The following ENTPD5 variants were observed in gnomAD, a reference collection of about 807,000 sequenced individuals.
ENTPD5 encodes ectonucleoside triphosphate diphosphohydrolase 5 (inactive), also known as nucleoside diphosphate phosphatase ENTPD5.
ENTPD5 carries 49 observed loss-of-function variants against 60.2 expected under a neutral mutation model. The ratio of observed to expected loss-of-function variants is 0.81; its 90% CI spans 0.65 to 1.03. The LOEUF is 1.03. Ranked by LOEUF, ENTPD5 falls within the 50% of genes least tolerant of loss-of-function variation. ENTPD5 has a pLI of 0.00. For missense variants in ENTPD5, 480 were observed against 507.6 expected, an observed-to-expected ratio of 0.95 and a Z score of 0.52; for synonymous variants, 187 against 185.4, an observed-to-expected ratio of 1.01 and a Z score of -0.07.
intron 3 of ENTPD5, among the ~76,000 whole-genome samples, chr14:74,001,438 CTTGCAGTGAGCCGAGA>C (rs2058502906): frequency 6.6e-6 from 1 of 151,016 alleles, no homozygotes; most frequent in Non-Finnish European, 1.5e-5. Flanking sequence ...GGAGGCCGAG[CTTGCAGTGAGCCGAGA>C]TTGCACCACT....
chr14:73,974,459 G>GA (rs2057354255), intron 11 of ENTPD5, among the ~76,000 whole-genome samples: 8 of 152,158 alleles, frequency 5.3e-5, no homozygotes, highest in Admixed American at 5.2e-4. Context: ...TTAATGTGAG[G>GA]AAAGGGGCAC....
At chr14:73,957,738 G>A (rs1047883263), downstream of ENTPD5, among the ~76,000 whole-genome samples, 7 of 152,124 alleles carry the variant, frequency 4.6e-5, no homozygotes, top group South Asian at 2.1e-4. Flanking sequence ...GCCATAGAGC[G>A]TATTGTTTTT....
At chr14:73,999,053 T>A (rs8015927) in intron 3 of ENTPD5, among the ~76,000 whole-genome samples, 11,979 of 152,170 alleles carry the variant, frequency 0.079, 629 homozygotes, top group South Asian at 0.26. Flanking sequence ...TTAATTCTAC[T>A]AATGCTTACT....
rs777993195 is a variant in ENTPD5 at position 73,966,921 on chromosome 14, C to G, written c.*7G>C. 6.2e-7 allele frequency: 1 copy of G among 1,611,870 alleles called. No homozygotes were observed. Among genetic ancestry groups the G allele is most frequent in the Non-Finnish European group, 8.5e-7 (1 of 1,177,962 alleles). ...GCAAATGCAGGTCTCCAAGGAAGTA[C>G]GTGGCCTCAATGGGAGATGCCCAGA... is the stretch of plus-strand genomic sequence containing the variant. On this transcript the variant is annotated 3_prime_UTR_variant, in exon 16 of 16. Transcript: ENST00000334696.
intron 1 of ENTPD5, among the ~76,000 whole-genome samples, chr14:74,017,638 C>T (rs1461748539): frequency 6.7e-6 from 1 of 149,566 alleles, no homozygotes; most frequent in African/African-American, 2.5e-5. Context: ...TAAATCTCAA[C>T]ACTTTGGGAG....
intron 6 of ENTPD5, among the ~76,000 whole-genome samples, chr14:73,982,311 GCAATCCACCTGCCTCAGCCTC>G (rs2140572444): frequency 6.6e-6 from 1 of 152,202 alleles, no homozygotes; most frequent in East Asian, 1.9e-4. Flanking sequence ...CTGACCTCAG[GCAATCCACCTGCCTCAGCCTC>G]CCAAAGTGCT....
intron 3 of ENTPD5, among the ~76,000 whole-genome samples, chr14:74,004,227 G>A (rs2058600834): frequency 6.6e-6 from 1 of 151,988 alleles, no homozygotes; most frequent in Non-Finnish European, 1.5e-5. Flanking sequence ...CAGTGCAGTG[G>A]CGTGATCTTG....
Position 73,973,017 on chromosome 14 carries a change from C to T in ENTPD5, c.894G>A (p.Val298=), listed in dbSNP as rs1400651870. 6.2e-7 allele frequency: 1 copy of T among 1,614,128 alleles called. No homozygotes were observed. The highest frequency in any genetic ancestry group is 1.1e-5 in the South Asian group (1 of 91,068). Reference sequence around the variant, plus strand: ...CTTCGGCATAGCAGGGCTCAAAGCCCACCTCCCCTGCCAGGCAAAGGTGCA... The same window carrying T: ...CTTCGGCATAGCAGGGCTCAAAGCCTACCTCCCCTGCCAGGCAAAGGTGCA... ...YQYGGNQEGE[V]GFEPCYAEVL... Residue 298 remains valine, a synonymous_variant, in exon 13 of 16, where the codon GTG becomes GTA. Coordinates refer to ENST00000334696, the MANE Select transcript of ENTPD5 (RefSeq NM_001249.5).
downstream of ENTPD5, chr14:73,958,875 A>C (rs1247185708): frequency 6.4e-7 from 1 of 1,562,944 alleles, no homozygotes; most frequent in Non-Finnish European, 8.7e-7. Flanking sequence ...GCCACACAAC[A>C]ATCAGAGCTG....
At chr14:73,955,440 T>G, downstream of ENTPD5, 1 of 1,613,308 alleles carries the variant, frequency 6.2e-7, no homozygotes. Context: ...TATAGATCCT[T>G]TCTTTTGTAG....
At chr14:73,970,417 G>A (rs1376001995) in intron 14 of ENTPD5, among the ~76,000 whole-genome samples, 1 of 150,332 alleles carries the variant, frequency 6.7e-6, no homozygotes, top group Non-Finnish European at 1.5e-5. Flanking sequence ...GCTTGAACCT[G>A]GAAGGCAGAG....
intron 6 of ENTPD5, among the ~76,000 whole-genome samples, chr14:73,979,640 T>C (rs913890997): frequency 5.3e-5 from 8 of 151,812 alleles, no homozygotes; most frequent in Non-Finnish European, 1.0e-4. Flanking sequence ...CCTGGCTAAT[T>C]TTGTGTATTT....
intron 3 of ENTPD5, among the ~76,000 whole-genome samples, chr14:73,994,201 C>T (rs921465235): frequency 1.3e-5 from 2 of 152,042 alleles, no homozygotes; most frequent in African/African-American, 4.8e-5. Flanking sequence ...TCTTGGCTCA[C>T]TGCAACCTCT....
chr14:73,996,411 T>C (rs1447925514), intron 3 of ENTPD5: 1 of 155,086 alleles, frequency 6.4e-6, no homozygotes, highest in African/African-American at 2.4e-5. Flanking sequence ...TCTGTGTTTT[T>C]GTTAGCCAAA....
chr14:73,963,819 A>T lies in ENTPD5; in HGVS notation c.*3109T>A, dbSNP rs2056863867. The stretch of plus-strand genomic sequence containing the variant: ...GCTTACTCTAAAGAACATCTTGCCC[A>T]GAAGTCTGATTTGAGATGAAATGAA... On this transcript the variant is annotated 3_prime_UTR_variant, in exon 16 of 16. Coordinates refer to ENST00000334696, the MANE Select transcript of ENTPD5 (RefSeq NM_001249.5). 6.6e-6 allele frequency: 1 copy of T among 152,254 alleles called. No individual in the cohort carries two copies. Among genetic ancestry groups the T allele is most frequent in the Non-Finnish European group, 1.5e-5 (1 of 68,056 alleles). The allele number at this position is 152,254 out of a possible 1,614,324, so 9.4% of individuals were successfully genotyped here. A position where few individuals can be genotyped will look rare whatever the true frequency, so the allele number is the denominator to read the frequency against.
chr14:73,993,311 T>C (rs1339191907), intron 3 of ENTPD5, among the ~76,000 whole-genome samples: 2 of 152,196 alleles, frequency 1.3e-5, no homozygotes, highest in South Asian at 2.1e-4. Flanking sequence ...CACTTCAGCC[T>C]AGGTACAGAG....
chr14:73,979,472 C>CT (rs535777164), intron 6 of ENTPD5, among the ~76,000 whole-genome samples: 45,541 of 137,636 alleles, frequency 0.33, 8,871 homozygotes, highest in Non-Finnish European at 0.43. Context: ...ATAGTAAGCA[C>CT]TTTTTTTTTT....
chr14:74,002,195 G>A (rs62005071), intron 3 of ENTPD5, among the ~76,000 whole-genome samples: 48,102 of 151,924 alleles, frequency 0.32, 9,250 homozygotes, highest in Non-Finnish European at 0.42. Flanking sequence ...AGACCACATC[G>A]TAGTTAAATG....
intron 15 of ENTPD5, among the ~76,000 whole-genome samples, chr14:73,967,552 C>T (rs1298954206): frequency 6.6e-6 from 1 of 151,894 alleles, no homozygotes; most frequent in Non-Finnish European, 1.5e-5. Flanking sequence ...CATGCCTGTA[C>T]TCCTGGCACT....
Sources: gnomAD v4.1 joint callset for allele counts (sites outside exome capture counted in the v4.1 genomes callset) on GRCh38, gnomAD v4.1.1 for gene constraint, MANE v1.5 for transcripts, NCBI Gene and HGNC (gene_info 2026-07-23, HGNC 2026-07-21) for gene names.